The following MED15 variants were observed in gnomAD, a reference collection of about 807,000 sequenced individuals.
MED15 encodes the protein mediator complex subunit 15.
Under a neutral mutation model 118.7 loss-of-function variants are expected in MED15, and 41 were observed. The observed-to-expected ratio is 0.35, with a 90% CI of 0.27 to 0.45. MED15 has a LOEUF of 0.45. Ranked by LOEUF, MED15 falls within the 20% of genes least tolerant of loss-of-function variation. The pLI, the probability that MED15 is intolerant of heterozygous loss-of-function variation, is 1.00. For synonymous variants in MED15, 436 were observed against 413.9 expected, an observed-to-expected ratio of 1.05 and a Z score of -0.65; for missense variants, 740 against 1,025.5, an observed-to-expected ratio of 0.72 and a Z score of 3.80.
rs571911918 is a variant in MED15 at position 20,537,095 on chromosome 22, C to T, written c.69-22C>T. The T allele has an allele frequency of 4.5e-5, 72 of 1,610,848 alleles. 2 individuals are homozygous for T. In the South Asian group the frequency reaches 6.4e-4, roughly 14 times the overall value. ...TGGAGTCACTGGTGTGTGCAAACGT[C>T]TCTTCTCCTTTTGTGTTTCAGCGAG... On this transcript the variant is annotated intron_variant, in intron 1 of 17. Coordinates refer to ENST00000263205, the MANE Select transcript of MED15 (RefSeq NM_001003891.3).
chr22:20,561,001 A>C (rs1303350351), intron 5 of MED15, among the ~76,000 whole-genome samples: 1 of 152,226 alleles, frequency 6.6e-6, no homozygotes, highest in Non-Finnish European at 1.5e-5. Flanking sequence ...TATAAAACCT[A>C]CTTTAAAAAG....
chr22:20,509,907 A>G (rs916642981), intron 1 of MED15, among the ~76,000 whole-genome samples: 1 of 152,094 alleles, frequency 6.6e-6, no homozygotes, highest in African/African-American at 2.4e-5. Flanking sequence ...AAATGGGGGT[A>G]GGGGAAGTGT....
chr22:20,539,024 T>C (rs931659456), intron 2 of MED15, among the ~76,000 whole-genome samples: 3 of 152,118 alleles, frequency 2.0e-5, no homozygotes, highest in African/African-American at 4.8e-5. Context: ...GTTTTTATTT[T>C]GCAGCTGGCT....
intron 1 of MED15, among the ~76,000 whole-genome samples, chr22:20,512,146 G>A (rs577785367): frequency 2.8e-4 from 43 of 151,496 alleles, no homozygotes; most frequent in African/African-American, 6.3e-4. Context: ...ACACCACCAC[G>A]CCTGACTGAT....
chr22:20,579,585 G>A (rs1395353387), intron 9 of MED15, among the ~76,000 whole-genome samples: 4 of 152,122 alleles, frequency 2.6e-5, no homozygotes, highest in Non-Finnish European at 5.9e-5. Context: ...GGGTTCCTCT[G>A]TGAGATGGAG....
chr22:20,560,143 C>T (rs1351516699), intron 5 of MED15, among the ~76,000 whole-genome samples: 1 of 152,090 alleles, frequency 6.6e-6, no homozygotes, highest in Non-Finnish European at 1.5e-5. Flanking sequence ...GGTCAAGTGT[C>T]AGTAGTGAAA....
At chr22:20,546,690 T>C (rs1026551549) in intron 2 of MED15, among the ~76,000 whole-genome samples, 1 of 152,108 alleles carries the variant, frequency 6.6e-6, no homozygotes, top group Non-Finnish European at 1.5e-5. Flanking sequence ...CAGGGCTGTG[T>C]ATCTGGGGTG....
chr22:20,560,875 C>A (rs1252217861), intron 5 of MED15, among the ~76,000 whole-genome samples: 1 of 152,134 alleles, frequency 6.6e-6, no homozygotes, highest in Non-Finnish European at 1.5e-5. Context: ...AGCCTCAAAT[C>A]CATCCAGCCT....
intron 16 of MED15, 113 bp downstream of exon 16, chr22:20,585,380 G>A (rs2057104474): frequency 5.9e-6 from 8 of 1,359,504 alleles, no homozygotes; most frequent in Admixed American, 4.3e-5. Context: ...CTGTGTTCAC[G>A]CCCCGCCAGG....
In MED15 at chr22:20,572,966, C is replaced by CTTT. The variant is rs361635; in HGVS notation, c.1153-2132_1153-2130dup. Among the ~76,000 whole-genome samples the CTTT allele has an allele frequency of 7.6e-4, 104 of 137,078 alleles. 1 individual carries two copies. The highest frequency in any genetic ancestry group is 3.2e-3 in the Admixed American group (44 of 13,642). The allele number at this position is 137,078 out of a possible 152,430, so 89.9% of individuals were successfully genotyped here. ...AACAGGACAGAATGCATCTCATTTT[C>CTTT]TTTTTTTTTTTTTTTTTAAAGACAG... On this transcript the variant is annotated intron_variant, in intron 8 of 17. Coordinates refer to ENST00000263205, the MANE Select transcript of MED15 (RefSeq NM_001003891.3).
intron 9 of MED15, among the ~76,000 whole-genome samples, chr22:20,578,755 C>T (rs116761590): frequency 1.1e-4 from 16 of 152,316 alleles, no homozygotes; most frequent in African/African-American, 3.4e-4. Flanking sequence ...TTGCCCTCAG[C>T]AGTCAGCAGG....
At chr22:20,535,872 C>CTTTTT (rs536712415) in intron 1 of MED15, among the ~76,000 whole-genome samples, 14 of 98,666 alleles carry the variant, frequency 1.4e-4, no homozygotes, top group East Asian at 3.3e-4. Flanking sequence ...TTCTTTCTTT[C>CTTTTT]TTTTTTTTTT....
At position 20,520,183 on chromosome 22, in the gene MED15, T is replaced by C. The variant is rs566743058; in HGVS notation, c.68+12437T>C. 2.6e-4 allele frequency among the ~76,000 whole-genome samples: 40 copies of C among 152,334 alleles called. 1 individual carries two copies. Among genetic ancestry groups the C allele is most frequent in the South Asian group, 1.7e-3 (8 of 4,832 alleles). On this transcript the variant is annotated intron_variant, in intron 1 of 17. Transcript: ENST00000263205. ...CCTACGTACCCCTTGCTTCTTCTTA[T>C]GTTGGTGGGCTCTGGGGGCTGGGTG...
chr22:20,529,210 G>C (rs560380626), intron 1 of MED15, among the ~76,000 whole-genome samples: 1 of 152,214 alleles, frequency 6.6e-6, no homozygotes, highest in East Asian at 1.9e-4. Context: ...AAATGTGCAG[G>C]CTTTGTTCCT....
chr22:20,581,017 C>G (rs538800976), intron 9 of MED15, among the ~76,000 whole-genome samples: 1 of 152,360 alleles, frequency 6.6e-6, no homozygotes, highest in East Asian at 1.9e-4. Flanking sequence ...GGGAACAGTC[C>G]ATTCCATCGG....
At chr22:20,535,781 G>C in intron 1 of MED15, among the ~76,000 whole-genome samples, 1 of 151,170 alleles carries the variant, frequency 6.6e-6, no homozygotes, top group Non-Finnish European at 1.5e-5. Context: ...GGATGGTCGT[G>C]CTCGCCTGAC....
Position 20,582,701 on chromosome 22 carries a change from TC to T in MED15, c.1367del (p.Pro456ArgfsTer38). 2 of 1,568,712 alleles carry T rather than the reference TC, an allele frequency of 1.3e-6. No homozygotes were observed. The highest frequency in any genetic ancestry group is 8.6e-7 in the Non-Finnish European group (1 of 1,161,380). ...GTCGATGCCCCCTCCCCCCCAGCCG[TC>T]CCCGCAGCCCGGCCAGCCCAGCTCA... is the stretch of plus-strand genomic sequence containing the variant. The part of the protein sequence containing the change: ...PQSMPPPPQP[S>X]PQPGQPSSQP... On this transcript the variant is annotated frameshift_variant, in exon 10 of 18. Transcript: ENST00000263205. LOFTEE classifies it high-confidence loss of function.
intron 10 of MED15, 33 bp downstream of exon 10, chr22:20,582,780 G>C (rs1319160864): frequency 1.3e-6 from 2 of 1,590,878 alleles, no homozygotes; most frequent in Non-Finnish European, 1.7e-6. Flanking sequence ...CTCCCCACCT[G>C]GCCCTCGAGG....
chr22:20,533,868 T>G (rs2054949904), intron 1 of MED15, among the ~76,000 whole-genome samples: 2 of 152,218 alleles, frequency 1.3e-5, no homozygotes, highest in South Asian at 4.1e-4. Context: ...TTCAACCTGG[T>G]CATCCCACCA....
Sources: allele counts gnomAD v4.1 joint callset (sites outside exome capture counted in the v4.1 genomes callset), GRCh38; gene constraint gnomAD v4.1.1; transcripts MANE v1.5; gene names NCBI Gene and HGNC (gene_info 2026-07-23, HGNC 2026-07-21).